The following PAPPA2 variants were observed in gnomAD, a reference collection of about 807,000 sequenced individuals.
PAPPA2 encodes the protein pappalysin 2.
Under a neutral mutation model 176.4 loss-of-function variants are expected in PAPPA2, and 86 were observed. The observed-to-expected ratio is 0.49, with a 90% confidence interval of 0.41 to 0.58. PAPPA2 has a LOEUF of 0.58. PAPPA2 is among the 20% of genes least tolerant of loss of function. The probability of loss-of-function intolerance (pLI) is 0.00; values close to 1 mark genes in which losing one functional copy is unlikely to be tolerated. For missense variants in PAPPA2, 2,073 were observed against 2,256.9 expected (o/e 0.92, Z 1.65); for synonymous variants, 809 against 852.2 (o/e 0.95, Z 0.88).
rs1259938535 is a variant in PAPPA2, at chr1:176,712,365, T to G, written c.3798+384T>G. ...CCTCTTAGTTATTACACCACTGAGG[T>G]GGATACTATTTCTGTTTCTATCATC... On this transcript the variant is annotated intron_variant, in intron 12 of 22. Transcript: ENST00000367662. Among the ~76,000 whole-genome samples the G allele has an allele frequency of 2.0e-5, 3 of 152,254 alleles. No individual in the cohort carries two copies. The East Asian group carries it at 5.8e-4, about 29-fold the overall frequency.
intron 3 of PAPPA2, among the ~76,000 whole-genome samples, chr1:176,602,349 A>C (rs933022205): frequency 1.3e-5 from 2 of 152,168 alleles, no homozygotes; most frequent in African/African-American, 2.4e-5. Context: ...GTCCTGAGGG[A>C]TATGGCAGAG....
chr1:176,690,564 TTA>T, intron 5 of PAPPA2, 134 bp downstream of exon 5: 1 of 1,446,362 alleles, frequency 6.9e-7, no homozygotes, highest in Non-Finnish European at 9.1e-7. Context: ...AGTGTATTTA[TTA>T]TAAGGTATTA....
At chr1:176,493,856 G>T (rs1647446512) in intron 1 of PAPPA2, among the ~76,000 whole-genome samples, 1 of 152,152 alleles carries the variant, frequency 6.6e-6, no homozygotes, top group Admixed American at 6.5e-5. Flanking sequence ...TGGACTCAAA[G>T]CAGGAAATAT....
intron 2 of PAPPA2, among the ~76,000 whole-genome samples, chr1:176,571,461 ATGTGTTGAGAGCCATGC>A (rs1430422715): frequency 6.6e-6 from 1 of 152,182 alleles, no homozygotes; most frequent in Non-Finnish European, 1.5e-5. Flanking sequence ...AATACAAACT[ATGTGTTGAGAGCCATGC>A]CTGGAACATA....
chr1:176,574,097 C>T (rs1652509394), intron 2 of PAPPA2, among the ~76,000 whole-genome samples: 1 of 151,852 alleles, frequency 6.6e-6, no homozygotes, highest in African/African-American at 2.4e-5. Context: ...TTATTTTTAC[C>T]ATAGGCAAGA....
intron 3 of PAPPA2, among the ~76,000 whole-genome samples, chr1:176,640,488 C>G (rs1484342584): frequency 6.6e-6 from 1 of 151,666 alleles, no homozygotes; most frequent in Non-Finnish European, 1.5e-5. Flanking sequence ...TGATGATTTC[C>G]AATTTCATCC....
intron 1 of PAPPA2, among the ~76,000 whole-genome samples, chr1:176,493,161 G>T (rs552419452): frequency 1.2e-4 from 18 of 152,240 alleles, no homozygotes; most frequent in Admixed American, 2.6e-4. Context: ...GGTGGAGTGT[G>T]GAATCATGAA....
intron 16 of PAPPA2, 72 bp from the exon 17 acceptor site, chr1:176,770,895 A>G: frequency 1.4e-6 from 2 of 1,449,408 alleles, no homozygotes. Context: ...AGAGGTTTTT[A>G]TTTCATCTGC....
At chr1:176,585,560 A>G (rs1653254523) in intron 2 of PAPPA2, among the ~76,000 whole-genome samples, 1 of 152,088 alleles carries the variant, frequency 6.6e-6, no homozygotes, top group African/African-American at 2.4e-5. Context: ...CTATTATTTC[A>G]TTAAATAGGT....
chr1:176,611,646 T>C (rs374149285), intron 3 of PAPPA2, among the ~76,000 whole-genome samples: 2 of 152,188 alleles, frequency 1.3e-5, no homozygotes, highest in Non-Finnish European at 2.9e-5. Context: ...GATAAGGATA[T>C]GTAATGGAGA....
At chr1:176,812,227 G>T (rs1056015834) in intron 21 of PAPPA2, among the ~76,000 whole-genome samples, 3 of 150,782 alleles carry the variant, frequency 2.0e-5, no homozygotes, top group Non-Finnish European at 3.0e-5. Flanking sequence ...TTTTTGGGGG[G>T]AGGGTTCTTT....
chr1:176,817,354 C>T (rs994300104), intron 21 of PAPPA2, among the ~76,000 whole-genome samples: 1 of 152,082 alleles, frequency 6.6e-6, no homozygotes, highest in Non-Finnish European at 1.5e-5. Flanking sequence ...TGCAGAGAGT[C>T]TTGGGCCAGA....
intron 1 of PAPPA2, among the ~76,000 whole-genome samples, chr1:176,498,295 A>G (rs1014108170): frequency 6.6e-5 from 10 of 151,978 alleles, no homozygotes; most frequent in Non-Finnish European, 1.3e-4. Context: ...TCCAGGTCCC[A>G]CTCTGGGAAT....
chr1:176,833,667 A>G (rs1451214098), intron 21 of PAPPA2, among the ~76,000 whole-genome samples: 1 of 152,156 alleles, frequency 6.6e-6, no homozygotes, highest in African/African-American at 2.4e-5. Flanking sequence ...ATAGAGGGGT[A>G]ATTCTTACAT....
chr1:176,749,186 G>A (rs1381915505), intron 14 of PAPPA2, among the ~76,000 whole-genome samples: 3 of 134,662 alleles, frequency 2.2e-5, no homozygotes, highest in African/African-American at 8.2e-5. Flanking sequence ...AAAGGTTAAT[G>A]TGATATGCAT....
At chr1:176,573,963 AT>A (rs34398958) in intron 2 of PAPPA2, among the ~76,000 whole-genome samples, 48,137 of 149,310 alleles carry the variant, frequency 0.32, 8,059 homozygotes, top group Middle Eastern at 0.44. Context: ...TAATAAATGG[AT>A]TTTTTTTTTT....
intron 3 of PAPPA2, among the ~76,000 whole-genome samples, chr1:176,617,010 G>A (rs1655300491): frequency 6.6e-6 from 1 of 152,182 alleles, no homozygotes; most frequent in South Asian, 2.1e-4. Context: ...GACAAGAAGT[G>A]CACTCAGGTT....
At chr1:176,778,339 T>TA (rs1362215633) in intron 17 of PAPPA2, among the ~76,000 whole-genome samples, 26 of 152,098 alleles carry the variant, frequency 1.7e-4, no homozygotes, top group Admixed American at 1.7e-3. Context: ...ATCAGCAAGA[T>TA]AGATCTGGTC....
chr1:176,728,020 T>C (rs1000158026), intron 12 of PAPPA2, among the ~76,000 whole-genome samples: 6 of 151,954 alleles, frequency 3.9e-5, no homozygotes, highest in African/African-American at 1.4e-4. Flanking sequence ...GGGAAATTTA[T>C]AGCATTTAAA....
Sources: gnomAD v4.1 joint callset for allele counts (sites outside exome capture counted in the v4.1 genomes callset) on GRCh38, gnomAD v4.1.1 for gene constraint, MANE v1.5 for transcripts, NCBI Gene and HGNC (gene_info 2026-07-23, HGNC 2026-07-21) for gene names.